The following C3orf38 variants were observed in gnomAD, a reference collection of about 807,000 sequenced individuals.
The protein encoded by C3orf38 is chromosome 3 open reading frame 38.
A neutral mutation model predicts 28.3 loss-of-function variants in C3orf38; 18 were observed. That is an observed-to-expected ratio of 0.64 (90% CI 0.44 to 0.94). The LOEUF (loss-of-function observed/expected upper bound fraction) is 0.94, where lower values mean the gene tolerates loss of function less well. C3orf38 is among the 40% of genes least tolerant of loss of function. C3orf38 has a pLI of 0.00. For missense variants in C3orf38, 364 were observed against 396.4 expected (o/e 0.92, Z 0.69); for synonymous variants, 145 against 138.1 (o/e 1.05, Z -0.35).
chr3:88,155,965 G>C, intron 2 of C3orf38, 56 bp from the exon 3 acceptor site: 1 of 1,349,246 alleles, frequency 7.4e-7, no homozygotes, highest in East Asian at 2.4e-5. Context: ...TAGAAAAATA[G>C]ATATGAAAGT....
Position 88,153,264 on chromosome 3 carries a change from T to C in C3orf38, c.168T>C (p.Ser56=), listed in dbSNP as rs938077235. Residue 56 remains serine, a synonymous_variant, in exon 2 of 3, where the codon AGT becomes AGC. Coordinates refer to ENST00000318887, the MANE Select transcript of C3orf38 (RefSeq NM_173824.4). ...AVHAILAYSQ[S]AEELLRRRKV... Reference sequence around the variant, plus strand: ...ATGCAATATTAGCATACAGTCAAAGTGCAGAAGAACTTCTGAGGCGTAGAA... The same window carrying C: ...ATGCAATATTAGCATACAGTCAAAGCGCAGAAGAACTTCTGAGGCGTAGAA... 1.9e-6 allele frequency: 3 copies of C among 1,613,784 alleles called. No homozygotes were observed. The highest frequency in any genetic ancestry group is 1.7e-6 in the Non-Finnish European group (2 of 1,179,926).
chr3:88,155,289 T>G (rs1245175642), intron 2 of C3orf38, among the ~76,000 whole-genome samples: 1 of 152,140 alleles, frequency 6.6e-6, no homozygotes, highest in Non-Finnish European at 1.5e-5. Flanking sequence ...TTATATTAAC[T>G]TTATGTCATT....
intron 2 of C3orf38, among the ~76,000 whole-genome samples, chr3:88,155,780 GCCTTACTAAA>G (rs1345324814): frequency 3.3e-5 from 5 of 151,998 alleles, no homozygotes; most frequent in African/African-American, 1.2e-4. Flanking sequence ...TTTTAAATTG[GCCTTACTAAA>G]CCTTACTCTC....
At chr3:88,154,033 A>T (rs1325841903) in intron 2 of C3orf38, among the ~76,000 whole-genome samples, 1 of 152,194 alleles carries the variant, frequency 6.6e-6, no homozygotes, top group Non-Finnish European at 1.5e-5. Context: ...GCATCATCAA[A>T]TGAGGACTAT....
intron 1 of C3orf38, among the ~76,000 whole-genome samples, chr3:88,151,813 A>G (rs1378293876): frequency 6.6e-6 from 1 of 152,212 alleles, no homozygotes; most frequent in Non-Finnish European, 1.5e-5. Flanking sequence ...ACAGAAAACT[A>G]TATACTGTAT....
intron 1 of C3orf38, among the ~76,000 whole-genome samples, chr3:88,152,734 G>A (rs868038271): frequency 1.4e-5 from 2 of 139,316 alleles, no homozygotes; most frequent in East Asian, 2.1e-4. Context: ...CAGCCTGGGC[G>A]ACAGAGCAAG....
At chr3:88,155,619 C>A (rs184313264) in intron 2 of C3orf38, among the ~76,000 whole-genome samples, 3 of 151,804 alleles carry the variant, frequency 2.0e-5, no homozygotes, top group Non-Finnish European at 4.4e-5. Flanking sequence ...CCACCATGCC[C>A]GGCTAATTTT....
rs545198732 is a variant in C3orf38, at chr3:88,157,354, T to C, written c.*719T>C. Reference sequence around the variant, plus strand: ...GCAGTGATAAATGCTGTTCTCGAAATAGACTTTATTCTTACCTAGGCTTCA... The same window carrying C: ...GCAGTGATAAATGCTGTTCTCGAAACAGACTTTATTCTTACCTAGGCTTCA... On this transcript the variant is annotated 3_prime_UTR_variant, in exon 3 of 3. Transcript: ENST00000318887. 2.6e-5 allele frequency: 4 copies of C among 152,242 alleles called. No individual in the cohort carries two copies. The highest frequency in any genetic ancestry group is 4.4e-5 in the Non-Finnish European group (3 of 68,026). The allele number at this position is 152,242 out of a possible 1,614,324, so 9.4% of individuals were successfully genotyped here. A position where few individuals can be genotyped will look rare whatever the true frequency, so the allele number is the denominator to read the frequency against.
At position 88,156,643 on chromosome 3, in the gene C3orf38, G is replaced by C. The variant is rs1334549804; in HGVS notation, c.*8G>C. On this transcript the variant is annotated 3_prime_UTR_variant, in exon 3 of 3. Coordinates refer to ENST00000318887, the MANE Select transcript of C3orf38 (RefSeq NM_173824.4). ...ACTGGGGACCAAGTTTGAGGTAGTGGAAATGAGACATTGCTGAACAAAAGA... is the reference window on the plus strand; with the variant it reads ...ACTGGGGACCAAGTTTGAGGTAGTGCAAATGAGACATTGCTGAACAAAAGA... 1 of 1,604,666 alleles carries C rather than the reference G, an allele frequency of 6.2e-7. No homozygotes were observed. The highest frequency in any genetic ancestry group is 1.3e-5 in the African/African-American group (1 of 74,472).
In C3orf38 at chr3:88,150,225, C is replaced by T. The variant is rs555234236; in HGVS notation, c.133+40C>T. 6.2e-6 allele frequency: 10 copies of T among 1,609,082 alleles called. No individual in the cohort carries two copies. In the African/African-American group the frequency reaches 9.3e-5, roughly 15 times the overall value. Reference sequence around the variant, plus strand: ...TTCACCTAGAAGGCTGCCGCCCCTTCCCCGGCCTCACGCCTACCCCGCTTA... The same window carrying T: ...TTCACCTAGAAGGCTGCCGCCCCTTTCCCGGCCTCACGCCTACCCCGCTTA... On this transcript the variant is annotated intron_variant, in intron 1 of 2. Transcript: ENST00000318887.
chr3:88,155,135 C>T (rs1308782795), intron 2 of C3orf38, among the ~76,000 whole-genome samples: 3 of 152,110 alleles, frequency 2.0e-5, no homozygotes, highest in African/African-American at 7.2e-5. Context: ...GCCGGGATTA[C>T]AGGCATGAAC....
At chr3:88,155,212 A>G (rs781255943) in intron 2 of C3orf38, among the ~76,000 whole-genome samples, 55 of 152,154 alleles carry the variant, frequency 3.6e-4, no homozygotes, top group Admixed American at 9.2e-4. Context: ...AATTAATCCC[A>G]GTTATAGAAA....
In C3orf38 at chr3:88,149,985, C is replaced by G. The variant is rs369382652; in HGVS notation, c.-68C>G. 3.8e-5 allele frequency: 61 copies of G among 1,600,472 alleles called. No individual in the cohort carries two copies. The highest frequency in any genetic ancestry group is 3.3e-4 in the Middle Eastern group (2 of 6,020). ...AGAAAGGCACTTCCGGTGTCTGTTG[C>G]CAGGCGCGGGCCCAGTGGGCCGTAG... On this transcript the variant is annotated 5_prime_UTR_variant, in exon 1 of 3. Transcript: ENST00000318887.
At chr3:88,155,889 C>CA (rs1707472841) in intron 2 of C3orf38, 132 bp from the exon 3 acceptor site, 1 of 623,730 alleles carries the variant, frequency 1.6e-6, no homozygotes, top group East Asian at 3.0e-5. Context: ...ATAATGGGTT[C>CA]AGCAAGTTCA....
chr3:88,150,181 C>A lies in C3orf38; in HGVS notation c.129C>A (p.Arg43=). Residue 43 remains arginine (R), a synonymous_variant, in exon 1 of 3, where the codon CGC becomes CGA. Coordinates refer to ENST00000318887, the MANE Select transcript of C3orf38 (RefSeq NM_173824.4). The stretch of plus-strand genomic sequence containing the variant: ...ACCGCCTGGTGCAGCCTCAGGACCG[C>A]CAAGGTAAGGGCGGACCCTTCACCT... ...VTNRLVQPQD[R]QDAVHAILAY... The A allele has an allele frequency of 6.2e-7, 1 of 1,613,994 alleles. No individual in the cohort carries two copies. Among genetic ancestry groups the A allele is most frequent in the Non-Finnish European group, 8.5e-7 (1 of 1,180,016 alleles).
chr3:88,156,500 A>G lies in C3orf38; in HGVS notation c.855A>G (p.Thr285=). Residue 285 remains threonine, a synonymous_variant, in exon 3 of 3, where the codon ACA becomes ACG. Coordinates refer to ENST00000318887, the MANE Select transcript of C3orf38 (RefSeq NM_173824.4). ...IMGESSLAPG[T]LPKPSVKFEQ... is the part of the protein sequence containing the mutation. ...GAGAGAGTTCCCTTGCTCCTGGAAC[A>G]TTACCGAAACCATCTGTTAAATTTG... is the stretch of plus-strand genomic sequence containing the variant. 6.2e-7 allele frequency: 1 copy of G among 1,614,222 alleles called. No individual in the cohort carries two copies. Among genetic ancestry groups the G allele is most frequent in the Non-Finnish European group, 8.5e-7 (1 of 1,180,036 alleles).
At chr3:88,151,719 T>C (rs866725977) in intron 1 of C3orf38, among the ~76,000 whole-genome samples, 2 of 152,222 alleles carry the variant, frequency 1.3e-5, no homozygotes, top group South Asian at 2.1e-4. Flanking sequence ...TGTGCAGTCA[T>C]ATAACTAATT....
At chr3:88,150,262 C>T (rs1243171021) in intron 1 of C3orf38, 77 bp downstream of exon 1, 4 of 1,544,508 alleles carry the variant, frequency 2.6e-6, no homozygotes, top group African/African-American at 2.7e-5. Flanking sequence ...GCAGAATCCT[C>T]GGGAATGTTG....
Position 88,156,544 on chromosome 3 carries a change from C to T in C3orf38, c.899C>T (p.Ala300Val). ...SVKFEQSDLEAFYNVITVCGT... is the reference protein window; with the variant it reads ...SVKFEQSDLEVFYNVITVCGT... ...AAATTTGAACAAAGTGATCTAGAGG[C>T]CTTTTATAATGTAATCACTGTATGT... The change falls in exon 3 of 3, where the codon GCC becomes GTC. Residue 300 changes from alanine (A) to valine (V), a missense_variant. Transcript: ENST00000318887. 6.2e-7 allele frequency: 1 copy of T among 1,613,912 alleles called. No homozygotes were observed. Among genetic ancestry groups the T allele is most frequent in the Non-Finnish European group, 8.5e-7 (1 of 1,179,928 alleles).
Sources: allele counts gnomAD v4.1 joint callset (sites outside exome capture counted in the v4.1 genomes callset), GRCh38; gene constraint gnomAD v4.1.1; transcripts MANE v1.5; gene names NCBI Gene and HGNC (gene_info 2026-07-23, HGNC 2026-07-21).